Variants in KCNK1 observed in about 807,000 individuals in gnomAD.
KCNK1 encodes potassium channel subfamily K member 1.
KCNK1 carries 10 observed loss-of-function variants against 22.2 expected under a neutral mutation model. The ratio of observed to expected loss-of-function variants is 0.45; its 90% CI spans 0.28 to 0.76. KCNK1 has a LOEUF of 0.76. Among genes scored for constraint, KCNK1 ranks in the 30% least tolerant of loss-of-function variants. KCNK1 has a pLI of 0.14. For synonymous variants in KCNK1, 200 were observed against 186.4 expected (o/e 1.07, Z -0.60); for missense variants, 378 against 421.0 (o/e 0.90, Z 0.89).
In KCNK1 at chr1:233,636,186, T is replaced by G. The variant is rs77328529; in HGVS notation, c.355+21660T>G. On this transcript the variant is annotated intron_variant, in intron 1 of 2. Coordinates refer to ENST00000366621, the MANE Select transcript of KCNK1 (RefSeq NM_002245.4). ...GCCCTGATAAGGATGTTAGGTTTTG[T>G]TGTAAGCAAGTGAAGTTGAGGAGTA... is the stretch of plus-strand genomic sequence containing the variant. Among the ~76,000 whole-genome samples, 8 of 152,308 alleles carry G rather than the reference T, an allele frequency of 5.3e-5. 1 individual carries two copies. The South Asian group carries it at 1.7e-3, about 32-fold the overall frequency.
intron 1 of KCNK1, among the ~76,000 whole-genome samples, chr1:233,662,564 G>A (rs577294653): frequency 2.6e-5 from 4 of 152,224 alleles, no homozygotes; most frequent in Non-Finnish European, 4.4e-5. Context: ...AAAATCTAGC[G>A]AAGCATAGCC....
intron 1 of KCNK1, among the ~76,000 whole-genome samples, chr1:233,638,483 G>A (rs140405569): frequency 0.013 from 2,035 of 152,124 alleles, 44 homozygotes; most frequent in African/African-American, 0.046. Context: ...AAGGGAGAAT[G>A]TTTTTCTTCC....
chr1:233,662,273 TCC>T (rs1558119311), intron 1 of KCNK1, among the ~76,000 whole-genome samples: 4 of 98,068 alleles, frequency 4.1e-5, no homozygotes, highest in East Asian at 7.6e-4. Flanking sequence ...CTTCTTCTTC[TCC>T]TCCTCCTCCT....
chr1:233,640,205 AT>A (rs528661793), intron 1 of KCNK1, among the ~76,000 whole-genome samples: 6 of 150,746 alleles, frequency 4.0e-5, no homozygotes, highest in South Asian at 4.2e-4. Flanking sequence ...TCCTCTGAGA[AT>A]TTTTTTTTTG....
At chr1:233,640,302 C>G (rs7544442) in intron 1 of KCNK1, among the ~76,000 whole-genome samples, 1 of 151,846 alleles carries the variant, frequency 6.6e-6, no homozygotes, top group Non-Finnish European at 1.5e-5. Context: ...ACTTAACTGC[C>G]GAGACTGACT....
At chr1:233,654,805 G>A (rs769587168) in intron 1 of KCNK1, among the ~76,000 whole-genome samples, 1 of 152,118 alleles carries the variant, frequency 6.6e-6, no homozygotes, top group South Asian at 2.1e-4. Context: ...CCAAGGGTGC[G>A]GCCAAATGAC....
chr1:233,668,702 T>C (rs1005671168), intron 2 of KCNK1, among the ~76,000 whole-genome samples: 4 of 151,694 alleles, frequency 2.6e-5, no homozygotes, highest in Non-Finnish European at 5.9e-5. Flanking sequence ...ACCTCCCGGG[T>C]TCAAGCGATT....
chr1:233,636,012 T>C (rs1307462868), intron 1 of KCNK1, among the ~76,000 whole-genome samples: 1 of 152,160 alleles, frequency 6.6e-6, no homozygotes, highest in Non-Finnish European at 1.5e-5. Flanking sequence ...ATTCAGGCCA[T>C]GCGGGCAGCC....
chr1:233,628,067 G>A (rs185148907), intron 1 of KCNK1, among the ~76,000 whole-genome samples: 15 of 152,342 alleles, frequency 9.8e-5, no homozygotes, highest in South Asian at 2.1e-4. Flanking sequence ...CCCAGTGGCA[G>A]TGGAGTATGT....
In KCNK1 at chr1:233,626,639, C is replaced by G. The variant is rs551878143; in HGVS notation, c.355+12113C>G. Among the ~76,000 whole-genome samples, 6 of 152,254 alleles carry G rather than the reference C, an allele frequency of 3.9e-5. No individual in the cohort carries two copies. The South Asian group carries it at 1.2e-3, about 32-fold the overall frequency. On this transcript the variant is annotated intron_variant, in intron 1 of 2. Transcript: ENST00000366621. ...AGTAGAAAAGAAAGAAGAGGTCATT[C>G]AGACTGAGAATGTGAGTTCCCTGGG... is the stretch of plus-strand genomic sequence containing the variant.
chr1:233,625,792 G>C (rs1657679043), intron 1 of KCNK1, among the ~76,000 whole-genome samples: 1 of 152,098 alleles, frequency 6.6e-6, no homozygotes, highest in African/African-American at 2.4e-5. Context: ...AGGAGGTGGG[G>C]AGTGCCTTAT....
chr1:233,619,809 CT>C (rs1342706267), intron 1 of KCNK1, among the ~76,000 whole-genome samples: 5 of 151,774 alleles, frequency 3.3e-5, no homozygotes, highest in Admixed American at 3.3e-4. Flanking sequence ...ACTCGGGAGG[CT>C]AAGGCAGGAG....
intron 1 of KCNK1, among the ~76,000 whole-genome samples, chr1:233,638,287 T>C (rs1170185745): frequency 6.6e-6 from 1 of 152,036 alleles, no homozygotes; most frequent in Non-Finnish European, 1.5e-5. Context: ...CAAAGAAGGG[T>C]CTGATGGTTT....
intron 1 of KCNK1, among the ~76,000 whole-genome samples, chr1:233,639,608 T>C (rs1657968820): frequency 6.6e-6 from 1 of 152,220 alleles, no homozygotes; most frequent in African/African-American, 2.4e-5. Context: ...TTTCTATATT[T>C]GTGTCAAATA....
In KCNK1 at chr1:233,624,113, C is replaced by G. The variant is rs1657643943; in HGVS notation, c.355+9587C>G. The G allele has an allele frequency of 1.3e-5, 2 of 154,146 alleles. 1 individual carries two copies. Among genetic ancestry groups the G allele is most frequent in the Admixed American group, 1.3e-4 (2 of 15,276 alleles). 9.5% of individuals were successfully genotyped at this position (154,146 alleles called of 1,614,324 possible). A position where few individuals can be genotyped will look rare whatever the true frequency, so the allele number is the denominator to read the frequency against. Reference sequence around the variant, plus strand: ...TGTGACCTGAGTTAAGCTATTTACTCAAGTCGATGCCCCAGTTCCCTATTC... The same window carrying G: ...TGTGACCTGAGTTAAGCTATTTACTGAAGTCGATGCCCCAGTTCCCTATTC... On this transcript the variant is annotated intron_variant, in intron 1 of 2. Coordinates refer to ENST00000366621, the MANE Select transcript of KCNK1 (RefSeq NM_002245.4).
intron 1 of KCNK1, among the ~76,000 whole-genome samples, chr1:233,634,030 G>A (rs190286803): frequency 6.6e-5 from 10 of 152,200 alleles, no homozygotes; most frequent in Admixed American, 5.2e-4. Flanking sequence ...ATTTTGGGCC[G>A]GGCGCAGTGG....
chr1:233,647,984 G>A (rs1442111326), intron 1 of KCNK1, among the ~76,000 whole-genome samples: 3 of 152,178 alleles, frequency 2.0e-5, no homozygotes, highest in Non-Finnish European at 4.4e-5. Flanking sequence ...CTTTTGAATT[G>A]CTTATAGCCT....
chr1:233,644,170 C>T (rs1223551533), intron 1 of KCNK1, among the ~76,000 whole-genome samples: 2 of 152,152 alleles, frequency 1.3e-5, no homozygotes, highest in African/African-American at 4.8e-5. Flanking sequence ...CAGAAGAGCG[C>T]TAGAATAAAC....
chr1:233,668,796 AG>A (rs1658543942), intron 2 of KCNK1, among the ~76,000 whole-genome samples: 2 of 152,112 alleles, frequency 1.3e-5, no homozygotes, highest in Non-Finnish European at 2.9e-5. Flanking sequence ...TAGTAGAGAC[AG>A]GGTTTCACCA....
Sources: gnomAD v4.1 joint callset for allele counts (sites outside exome capture counted in the v4.1 genomes callset) on GRCh38, gnomAD v4.1.1 for gene constraint, MANE v1.5 for transcripts, NCBI Gene and HGNC (gene_info 2026-07-23, HGNC 2026-07-21) for gene names.